The following REEP5 variants were observed in gnomAD, a reference collection of about 807,000 sequenced individuals.
REEP5 encodes the protein receptor expression-enhancing protein 5.
REEP5 carries 24 observed loss-of-function variants against 22.4 expected under a neutral mutation model. That is an observed-to-expected ratio of 1.07 (90% CI 0.78 to 1.51). The LOEUF (loss-of-function observed/expected upper bound fraction) is 1.51, where lower values mean the gene tolerates loss of function less well. Ranked by LOEUF, REEP5 falls within the 40% of genes most tolerant of loss-of-function variation. REEP5 has a pLI of 0.00. For synonymous variants in REEP5, 103 were observed against 88.6 expected, an observed-to-expected ratio of 1.16 and a Z score of -0.92; for missense variants, 252 against 233.0, an observed-to-expected ratio of 1.08 and a Z score of -0.53.
At chr5:112,897,410 GACA>G (rs1394771927) in intron 3 of REEP5, 2 of 149,658 alleles carry the variant, frequency 1.3e-5, no homozygotes, top group African/African-American at 2.5e-5. Flanking sequence ...TAAACAGTAG[GACA>G]ACAAGGACTT....
Position 112,922,202 on chromosome 5 carries a change from T to A in REEP5, c.-12A>T. On this transcript the variant is annotated 5_prime_UTR_variant, in exon 1 of 5. Coordinates refer to ENST00000379638, the MANE Select transcript of REEP5 (RefSeq NM_005669.5). ...ATGGCCGCAGACATGGCGGGGACCG[T>A]CTCGCCGCTCGGGGCTGTTCCTAGT... 1 of 1,602,078 alleles carries A rather than the reference T, an allele frequency of 6.2e-7. No individual in the cohort carries two copies. Among genetic ancestry groups the A allele is most frequent in the Non-Finnish European group, 8.5e-7 (1 of 1,174,564 alleles).
intron 2 of REEP5, among the ~76,000 whole-genome samples, chr5:112,905,951 T>G (rs181583342): frequency 1.3e-5 from 2 of 152,332 alleles, no homozygotes; most frequent in Admixed American, 1.3e-4. Flanking sequence ...TTAGACTTCC[T>G]TGTCCCAATT....
intron 3 of REEP5, chr5:112,892,573 T>A: frequency 6.2e-7 from 1 of 1,614,054 alleles, no homozygotes. Context: ...AGTGACCCGG[T>A]GGAAAATGGC....
At chr5:112,909,885 C>T (rs1769050517) in intron 2 of REEP5, among the ~76,000 whole-genome samples, 1 of 152,162 alleles carries the variant, frequency 6.6e-6, no homozygotes, top group Non-Finnish European at 1.5e-5. Context: ...AATCTCCTTC[C>T]CAAATTAAGT....
intron 3 of REEP5, 111 bp downstream of exon 3, chr5:112,902,269 C>T: frequency 8.7e-7 from 1 of 1,152,060 alleles, no homozygotes; most frequent in Non-Finnish European, 1.2e-6. Flanking sequence ...GGCCTGTCTT[C>T]TTGTTTATAA....
chr5:112,903,607 A>C (rs1768893331), intron 2 of REEP5, among the ~76,000 whole-genome samples: 1 of 152,238 alleles, frequency 6.6e-6, no homozygotes, highest in Non-Finnish European at 1.5e-5. Flanking sequence ...AAGCAAATAC[A>C]TTGGCTACTC....
At position 112,917,962 on chromosome 5, in the gene REEP5, A is replaced by G. The variant is rs58551531; in HGVS notation, c.212+3201T>C. ...CTGAACATACTAGCCACTGAACTGC[A>G]TACTTTAAAAGTGTACAATTTATAA... On this transcript the variant is annotated intron_variant, in intron 2 of 4. Coordinates refer to ENST00000379638, the MANE Select transcript of REEP5 (RefSeq NM_005669.5). 8.3e-3 allele frequency among the ~76,000 whole-genome samples: 1,263 copies of G among 152,306 alleles called. 23 individuals carry two copies. The highest frequency in any genetic ancestry group is 0.028 in the African/African-American group (1,176 of 41,558).
At chr5:112,909,774 GGCT>G (rs1769048816) in intron 2 of REEP5, among the ~76,000 whole-genome samples, 1 of 152,084 alleles carries the variant, frequency 6.6e-6, no homozygotes, top group African/African-American at 2.4e-5. Flanking sequence ...TTCACACCTT[GGCT>G]GCTATTTTCT....
At chr5:112,903,761 T>G (rs980194481) in intron 2 of REEP5, among the ~76,000 whole-genome samples, 3 of 152,146 alleles carry the variant, frequency 2.0e-5, no homozygotes, top group African/African-American at 7.2e-5. Flanking sequence ...TGTAGCTCAA[T>G]GAGATGATTA....
chr5:112,907,030 G>A (rs1296744062), intron 2 of REEP5, among the ~76,000 whole-genome samples: 1 of 152,156 alleles, frequency 6.6e-6, no homozygotes, highest in Non-Finnish European at 1.5e-5. Flanking sequence ...ACCCTCACCT[G>A]AATATTCTGA....
rs561471363 is a variant in REEP5, at chr5:112,905,796, C to CT, written c.213-3279dup. Among the ~76,000 whole-genome samples, 96 of 152,038 alleles carry CT rather than the reference C, an allele frequency of 6.3e-4. No individual in the cohort carries two copies. The South Asian group carries it at 0.019, about 30-fold the overall frequency. Reference sequence around the variant, plus strand: ...TCATCATGCTTGGCTAACTTCTGTACTTTTTTATAAAGACGGGGTTTTGCC... The same window carrying CT: ...TCATCATGCTTGGCTAACTTCTGTACTTTTTTTATAAAGACGGGGTTTTGCC... On this transcript the variant is annotated intron_variant, in intron 2 of 4. Transcript: ENST00000379638.
At chr5:112,880,528 C>T (rs1026077643) in intron 4 of REEP5, among the ~76,000 whole-genome samples, 1 of 152,208 alleles carries the variant, frequency 6.6e-6, no homozygotes, top group Non-Finnish European at 1.5e-5. Flanking sequence ...AATTACTGAA[C>T]CAAGTTCACA....
At chr5:112,910,086 T>A (rs1231619269) in intron 2 of REEP5, among the ~76,000 whole-genome samples, 1 of 152,168 alleles carries the variant, frequency 6.6e-6, no homozygotes, top group Non-Finnish European at 1.5e-5. Context: ...GTGGATCACT[T>A]GAGGTCAGGA....
intron 3 of REEP5, chr5:112,896,067 A>G (rs1768670638): frequency 6.6e-6 from 1 of 152,670 alleles, no homozygotes; most frequent in African/African-American, 2.4e-5. Context: ...TATGCTTAAC[A>G]TGCAGTTACG....
intron 2 of REEP5, among the ~76,000 whole-genome samples, chr5:112,905,848 A>C (rs1360239317): frequency 6.6e-6 from 1 of 151,960 alleles, no homozygotes; most frequent in African/African-American, 2.4e-5. Context: ...TCTCAAACTC[A>C]TGGGGCTCAA....
chr5:112,885,447 G>C, intron 4 of REEP5: 1 of 193,604 alleles, frequency 5.2e-6, no homozygotes, highest in Non-Finnish European at 1.1e-5. Flanking sequence ...TTACTGAAGA[G>C]GAGGCGAAAG....
At position 112,878,315 on chromosome 5, in the gene REEP5, T is replaced by TAGTC. The variant is rs1767959140; in HGVS notation, c.*467_*470dup. On this transcript the variant is annotated 3_prime_UTR_variant, in exon 5 of 5. Transcript: ENST00000379638. ...CTCCCCATGAGCATGATGCATGTTG[T>TAGTC]AGTCAGACAGTAACATTTCCATATG... is the stretch of plus-strand genomic sequence containing the variant. 1 of 157,208 alleles carries TAGTC rather than the reference T, an allele frequency of 6.4e-6. No homozygotes were observed. The highest frequency in any genetic ancestry group is 1.4e-5 in the Non-Finnish European group (1 of 70,824). 9.7% of individuals were successfully genotyped at this position (157,208 alleles called of 1,614,324 possible). A position where few individuals can be genotyped will look rare whatever the true frequency, so the allele number is the denominator to read the frequency against.
In REEP5 at chr5:112,876,824, GAAC is replaced by G. The variant is rs1274822285; in HGVS notation, c.*1959_*1961del. On this transcript the variant is annotated 3_prime_UTR_variant, in exon 5 of 5. Transcript: ENST00000379638. ...GTTAACTTAAATTTTGGTCTCAAGG[GAAC>G]AAAAAAAAATTGCATTCAGAATTTA... is the stretch of plus-strand genomic sequence containing the variant. 1.3e-5 allele frequency: 2 copies of G among 149,460 alleles called. No homozygotes were observed. The highest frequency in any genetic ancestry group is 1.3e-4 in the Admixed American group (2 of 15,066). The allele number at this position is 149,460 out of a possible 1,614,324, so 9.3% of individuals were successfully genotyped here. A position where few individuals can be genotyped will look rare whatever the true frequency, so the allele number is the denominator to read the frequency against.
intron 3 of REEP5, among the ~76,000 whole-genome samples, chr5:112,889,272 T>C (rs1284536369): frequency 6.6e-6 from 1 of 150,852 alleles, no homozygotes; most frequent in Non-Finnish European, 1.5e-5. Flanking sequence ...TAGGACTAAA[T>C]TTTTTATAAA....
Sources: allele counts gnomAD v4.1 joint callset (sites outside exome capture counted in the v4.1 genomes callset), GRCh38; gene constraint gnomAD v4.1.1; transcripts MANE v1.5; gene names NCBI Gene and HGNC (gene_info 2026-07-23, HGNC 2026-07-21).